KIF16B: variants seen among roughly 807,000 people sequenced by gnomAD.
The protein encoded by KIF16B is kinesin-like protein KIF16B.
Under a neutral mutation model 156.3 loss-of-function variants are expected in KIF16B, and 98 were observed. The ratio of observed to expected loss-of-function variants is 0.63; its 90% CI spans 0.53 to 0.74. The LOEUF is 0.74. KIF16B is among the 30% of genes least tolerant of loss of function. The pLI, the probability that KIF16B is intolerant of heterozygous loss-of-function variation, is 0.00. For synonymous variants in KIF16B, 564 were observed against 583.7 expected (o/e 0.97, Z 0.49); for missense variants, 1,421 against 1,606.5 (o/e 0.88, Z 1.97).
At chr20:16,288,484 C>T (rs796410103) in intron 25 of KIF16B, among the ~76,000 whole-genome samples, 3 of 114,768 alleles carry the variant, frequency 2.6e-5, no homozygotes, top group African/African-American at 6.4e-5. Flanking sequence ...CCTTAGTAAA[C>T]ACAGTATGTA....
At chr20:16,429,770 G>A in intron 13 of KIF16B, 93 bp downstream of exon 13, 1 of 1,094,226 alleles carries the variant, frequency 9.1e-7, no homozygotes, top group Non-Finnish European at 1.3e-6. Flanking sequence ...ATTTAGTTGT[G>A]TTCATGACCA....
At chr20:16,543,284 T>G (rs2070275432) in intron 1 of KIF16B, among the ~76,000 whole-genome samples, 1 of 152,170 alleles carries the variant, frequency 6.6e-6, no homozygotes, top group African/African-American at 2.4e-5. Flanking sequence ...CATCCCTTCT[T>G]CTGAATGGAG....
chr20:16,374,553 C>T (rs2064900245), intron 19 of KIF16B, 144 bp from the exon 20 acceptor site: 2 of 698,150 alleles, frequency 2.9e-6, no homozygotes, highest in Admixed American at 3.8e-5. Context: ...AGAAAAGGTG[C>T]CACATACCCA....
At chr20:16,285,059 A>C (rs2063203512) in intron 25 of KIF16B, among the ~76,000 whole-genome samples, 1 of 152,196 alleles carries the variant, frequency 6.6e-6, no homozygotes, top group African/African-American at 2.4e-5. Flanking sequence ...GTGGCTACTG[A>C]GCACTTAAAA....
At chr20:16,411,399 C>T (rs1325954012) in intron 15 of KIF16B, among the ~76,000 whole-genome samples, 2 of 152,102 alleles carry the variant, frequency 1.3e-5, no homozygotes, top group African/African-American at 4.8e-5. Context: ...ACACTATACT[C>T]TTCTGTAAGA....
At chr20:16,392,256 A>G (rs2065385436) in intron 17 of KIF16B, among the ~76,000 whole-genome samples, 1 of 152,192 alleles carries the variant, frequency 6.6e-6, no homozygotes, top group Admixed American at 6.5e-5. Context: ...CAAATCATTA[A>G]CTATTATTCT....
At chr20:16,291,060 C>A (rs6034444) in intron 25 of KIF16B, among the ~76,000 whole-genome samples, 4,844 of 152,272 alleles carry the variant, frequency 0.032, 80 homozygotes, top group Middle Eastern at 0.038. Flanking sequence ...ACATCCAGCA[C>A]AGTACTTTGC....
In KIF16B at chr20:16,573,321, T is replaced by A. The variant is rs760714203; in HGVS notation, c.-46A>T. ...GCGCGGGGTCCCACTAGCCCAGAAC[T>A]CCGCGGTCGCCGGCGACGCTGGCTA... On this transcript the variant is annotated 5_prime_UTR_variant, in exon 1 of 26. Transcript: ENST00000354981. 6.2e-7 allele frequency: 1 copy of A among 1,600,810 alleles called. No individual in the cohort carries two copies. Among genetic ancestry groups the A allele is most frequent in the Non-Finnish European group, 8.5e-7 (1 of 1,173,544 alleles).
intron 17 of KIF16B, among the ~76,000 whole-genome samples, chr20:16,400,017 C>T (rs2065609356): frequency 1.3e-5 from 2 of 152,180 alleles, no homozygotes. Context: ...CAATGCCTTT[C>T]AATGCAAGGA....
intron 7 of KIF16B, among the ~76,000 whole-genome samples, chr20:16,506,762 A>G (rs1057391593): frequency 6.6e-6 from 1 of 152,162 alleles, no homozygotes; most frequent in Non-Finnish European, 1.5e-5. Context: ...GCCCCCCGCC[A>G]GATTACTATA....
At chr20:16,396,993 G>A (rs1485470780) in intron 17 of KIF16B, among the ~76,000 whole-genome samples, 1 of 152,154 alleles carries the variant, frequency 6.6e-6, no homozygotes. Context: ...GCTCAGAGGA[G>A]GCTAATGTGC....
intron 17 of KIF16B, among the ~76,000 whole-genome samples, chr20:16,399,599 G>C (rs1190610311): frequency 6.6e-6 from 1 of 152,140 alleles, no homozygotes; most frequent in Non-Finnish European, 1.5e-5. Flanking sequence ...CCTGTGACAG[G>C]CCACACAAAC....
At chr20:16,466,585 C>T (rs1402115194) in intron 12 of KIF16B, among the ~76,000 whole-genome samples, 9 of 152,340 alleles carry the variant, frequency 5.9e-5, no homozygotes, top group South Asian at 2.1e-4. Context: ...CCATGTAAGA[C>T]GTGACTTTGC....
chr20:16,476,039 C>A (rs1364195615), intron 12 of KIF16B, among the ~76,000 whole-genome samples: 1 of 152,182 alleles, frequency 6.6e-6, no homozygotes, highest in African/African-American at 2.4e-5. Flanking sequence ...TATCAGCAAC[C>A]AGGCCCAATT....
intron 12 of KIF16B, among the ~76,000 whole-genome samples, 162 bp from the exon 13 acceptor site, chr20:16,430,144 T>C (rs2066460570): frequency 6.6e-6 from 1 of 152,188 alleles, no homozygotes; most frequent in Non-Finnish European, 1.5e-5. Flanking sequence ...TGGCAGGTAA[T>C]AAGCAAAGTG....
At chr20:16,435,919 T>C (rs2066629982) in intron 12 of KIF16B, among the ~76,000 whole-genome samples, 3 of 152,332 alleles carry the variant, frequency 2.0e-5, no homozygotes, top group East Asian at 3.9e-4. Context: ...TATTACCATC[T>C]TGCTTTGTTT....
intron 12 of KIF16B, among the ~76,000 whole-genome samples, chr20:16,465,047 T>A (rs763562847): frequency 1.3e-5 from 2 of 152,214 alleles, no homozygotes; most frequent in Non-Finnish European, 2.9e-5. Flanking sequence ...AGATGCTTCA[T>A]GCAGGTTCTC....
chr20:16,425,839 A>C (rs2066337345), intron 15 of KIF16B, among the ~76,000 whole-genome samples: 1 of 152,158 alleles, frequency 6.6e-6, no homozygotes, highest in African/African-American at 2.4e-5. Context: ...ACCTGAGACT[A>C]TGTAATTTAT....
At chr20:16,452,736 G>A (rs966376219) in intron 12 of KIF16B, among the ~76,000 whole-genome samples, 16 of 152,000 alleles carry the variant, frequency 1.1e-4, no homozygotes, top group African/African-American at 3.4e-4. Context: ...TCAGGAGGCT[G>A]AGGCAGGAGA....
Sources: gnomAD v4.1 joint callset for allele counts (sites outside exome capture counted in the v4.1 genomes callset) on GRCh38, gnomAD v4.1.1 for gene constraint, MANE v1.5 for transcripts, NCBI Gene and HGNC (gene_info 2026-07-23, HGNC 2026-07-21) for gene names.